PTPRS: variants seen among roughly 807,000 people sequenced by gnomAD.
PTPRS encodes the protein receptor-type tyrosine-protein phosphatase S.
A neutral mutation model predicts 215.3 loss-of-function variants in PTPRS; 63 were observed. The observed-to-expected ratio is 0.29, with a 90% CI of 0.24 to 0.36. The LOEUF (loss-of-function observed/expected upper bound fraction) is 0.36, where lower values mean the gene tolerates loss of function less well. Ranked by LOEUF, PTPRS falls within the 10% of genes least tolerant of loss-of-function variation. PTPRS has a pLI of 1.00. For missense variants in PTPRS, 2,258 were observed against 2,825.8 expected, an observed-to-expected ratio of 0.80 and a Z score of 4.56; for synonymous variants, 1,404 against 1,191.4, an observed-to-expected ratio of 1.18 and a Z score of -3.68.
chr19:5,213,235 C>A (rs996200873), intron 30 of PTPRS, among the ~76,000 whole-genome samples: 6 of 152,190 alleles, frequency 3.9e-5, no homozygotes, highest in African/African-American at 1.2e-4. Flanking sequence ...CCAGTCTGTC[C>A]TCCCTGCAGC....
chr19:5,219,230 T>C, intron 23 of PTPRS, 80 bp downstream of exon 23: 2 of 1,555,974 alleles, frequency 1.3e-6, no homozygotes, highest in Non-Finnish European at 1.8e-6. Context: ...TTAGTGATGA[T>C]TCTCTGAGAC....
intron 1 of PTPRS, among the ~76,000 whole-genome samples, chr19:5,340,338 G>A (rs1182873230): frequency 6.6e-6 from 1 of 151,190 alleles, no homozygotes; most frequent in Non-Finnish European, 1.5e-5. Context: ...CGGCGGCGCT[G>A]GGCAGCTTCC....
chr19:5,209,413 C>G (rs1176487995), intron 35 of PTPRS, among the ~76,000 whole-genome samples: 1 of 152,124 alleles, frequency 6.6e-6, no homozygotes. Flanking sequence ...TTGTTCTAAT[C>G]CCATCCTCCA....
At chr19:5,284,681 T>C (rs1337841862) in intron 2 of PTPRS, among the ~76,000 whole-genome samples, 1 of 152,112 alleles carries the variant, frequency 6.6e-6, no homozygotes, top group Non-Finnish European at 1.5e-5. Flanking sequence ...CGTGGCTGGC[T>C]CACACCTGTA....
intron 1 of PTPRS, among the ~76,000 whole-genome samples, chr19:5,313,051 A>G (rs985942767): frequency 6.6e-6 from 1 of 152,214 alleles, no homozygotes; most frequent in African/African-American, 2.4e-5. Flanking sequence ...AGTAGCTGGA[A>G]TAACAGGCGC....
chr19:5,225,213 G>C (rs572913342), intron 17 of PTPRS, among the ~76,000 whole-genome samples: 34 of 152,238 alleles, frequency 2.2e-4, no homozygotes, highest in Non-Finnish European at 4.4e-4. Flanking sequence ...GCTTCCTGGT[G>C]CAGTAGGGGA....
In PTPRS at chr19:5,206,079, A is replaced by AAAAAAAAC; in HGVS notation, c.*694_*695insGTTTTTTT. Among the ~76,000 whole-genome samples the AAAAAAAAC allele has an allele frequency of 1.3e-5, 2 of 148,236 alleles. No individual in the cohort carries two copies. Among genetic ancestry groups the AAAAAAAAC allele is most frequent in the African/African-American group, 2.5e-5 (1 of 39,734 alleles). On this transcript the variant is annotated 3_prime_UTR_variant, in exon 38 of 38. Transcript: ENST00000262963. Reference sequence around the variant, plus strand: ...AAAAATTAAAAAAAAAAAAAAAAAAAAAAAAGCCAAGGTACAGCCATGGGC... The same window carrying AAAAAAAAC: ...AAAAATTAAAAAAAAAAAAAAAAAAAAAAAAAACAAAAAGCCAAGGTACAGCCATGGGC...
chr19:5,208,777 G>A (rs1246939423), intron 35 of PTPRS, among the ~76,000 whole-genome samples: 1 of 152,068 alleles, frequency 6.6e-6, no homozygotes, highest in Non-Finnish European at 1.5e-5. Context: ...CCACCCAGCT[G>A]TTCCTCTCCC....
intron 2 of PTPRS, among the ~76,000 whole-genome samples, chr19:5,284,086 C>A (rs1483380661): frequency 6.6e-6 from 1 of 152,058 alleles, no homozygotes; most frequent in Non-Finnish European, 1.5e-5. Flanking sequence ...GCCAGCCGGG[C>A]TCAGTGGCTC....
rs145400118 is a variant in PTPRS, at chr19:5,328,210, G to A, written c.-95+12454C>T. Among the ~76,000 whole-genome samples the A allele has an allele frequency of 7.9e-3, 1,194 of 152,100 alleles. 12 individuals are homozygous for A. The highest frequency in any genetic ancestry group is 0.027 in the African/African-American group (1,134 of 41,470). On this transcript the variant is annotated intron_variant, in intron 1 of 37. Transcript: ENST00000262963. Reference sequence around the variant, plus strand: ...TGGCTCACTGCAACCTCTGCCTCCCGGGTTCAAGCGATTCTCCTGACTTAA... The same window carrying A: ...TGGCTCACTGCAACCTCTGCCTCCCAGGTTCAAGCGATTCTCCTGACTTAA...
rs1215949261 is a variant in PTPRS, at chr19:5,220,165, A to G, written c.3550-11T>C. 2 of 1,610,158 alleles carry G rather than the reference A, an allele frequency of 1.2e-6. No individual in the cohort carries two copies. Among genetic ancestry groups the G allele is most frequent in the Non-Finnish European group, 1.7e-6 (2 of 1,178,026 alleles). Reference sequence around the variant, plus strand: ...GATGTCCTGGATGAGCTGCGGGAACAGAGTCATGGGTGGCTCAGAGCTCAG... The same window carrying G: ...GATGTCCTGGATGAGCTGCGGGAACGGAGTCATGGGTGGCTCAGAGCTCAG... On this transcript the variant is annotated splice_polypyrimidine_tract_variant and intron_variant, in intron 21 of 37. Transcript: ENST00000262963.
rs143171404 is a variant in PTPRS at position 5,236,083 on chromosome 19, C to T, written c.1849+2836G>A. Among the ~76,000 whole-genome samples, 73 of 152,316 alleles carry T rather than the reference C, an allele frequency of 4.8e-4. 1 individual carries two copies. In the East Asian group the frequency reaches 0.011, roughly 24 times the overall value. ...CCTCAGGTGGTCAGAACTGTCACTC[C>T]CCACCCGCCACCCCGCGTCAACGGT... On this transcript the variant is annotated intron_variant, in intron 13 of 37. Coordinates refer to ENST00000262963, the MANE Select transcript of PTPRS (RefSeq NM_002850.4).
intron 6 of PTPRS, among the ~76,000 whole-genome samples, chr19:5,261,663 C>T (rs1333750517): frequency 1.3e-5 from 2 of 152,148 alleles, no homozygotes; most frequent in East Asian, 1.9e-4. Context: ...GCTCCTTCTG[C>T]GTGGCCCAAA....
chr19:5,222,816 C>T lies in PTPRS; in HGVS notation c.2976G>A (p.Glu992=), dbSNP rs765537568. ...TCAGGCCCTGCAGCGTGAGCGCGTT[C>T]TCCGCGCCCGGCTCAGCCGCTGCCG... ...ELPAAAEPGA[E]NALTLQGLKP... Residue 992 remains glutamate (E), a synonymous_variant, in exon 18 of 38, where the codon GAG becomes GAA. Coordinates refer to ENST00000262963, the MANE Select transcript of PTPRS (RefSeq NM_002850.4). 1.3e-6 allele frequency: 2 copies of T among 1,596,618 alleles called. No homozygotes were observed. The highest frequency in any genetic ancestry group is 2.2e-5 in the South Asian group (2 of 90,828).
At chr19:5,222,041 A>C in intron 19 of PTPRS, 82 bp downstream of exon 19, 1 of 1,168,544 alleles carries the variant, frequency 8.6e-7, no homozygotes, top group Non-Finnish European at 1.3e-6. Context: ...CTTCACACCA[A>C]CTCCAAACTG....
intron 1 of PTPRS, among the ~76,000 whole-genome samples, chr19:5,289,709 C>G (rs2048654340): frequency 1.3e-5 from 2 of 152,238 alleles, no homozygotes; most frequent in Non-Finnish European, 2.9e-5. Context: ...TTAATATTGG[C>G]TGAGGACCAA....
chr19:5,217,955 G>GAGGTACAGGGCA (rs2041634049), intron 25 of PTPRS, among the ~76,000 whole-genome samples: 1 of 152,150 alleles, frequency 6.6e-6, no homozygotes, highest in Non-Finnish European at 1.5e-5. Flanking sequence ...ATGGTGGGAA[G>GAGGTACAGGGCA]AGGTACAGGG....
rs1555746425 is a variant in PTPRS, at chr19:5,220,376, C to CTG, written c.3456-24_3456-23insCA. 5.6e-6 allele frequency: 9 copies of CTG among 1,594,956 alleles called. No individual in the cohort carries two copies. The African/African-American group carries it at 1.2e-4, about 21-fold the overall frequency. ...CTCCTGTAGGGAGATGGGAAAGAGT[C>CTG]AGAGGGGCTGTCGATAGGGATGACC... is the stretch of plus-strand genomic sequence containing the variant. On this transcript the variant is annotated intron_variant, in intron 20 of 37. Transcript: ENST00000262963.
rs2048451768 is a variant in PTPRS, at chr19:5,287,619, A to G, written c.-94-1385T>C. On this transcript the variant is annotated intron_variant, in intron 1 of 37. Transcript: ENST00000262963. The surrounding 1 kb of genome is among the most constrained non-coding windows in gnomAD (Gnocchi z 4.8). ...CCGTGACCACAGGAACTGGTGGCGC[A>G]TAATAACGGGGCAGCCCCTGTGATT... Among the ~76,000 whole-genome samples, 1 of 152,146 alleles carries G rather than the reference A, an allele frequency of 6.6e-6. No homozygotes were observed. The highest frequency in any genetic ancestry group is 2.1e-4 in the South Asian group (1 of 4,830).
Sources: gnomAD v4.1 joint callset for allele counts (sites outside exome capture counted in the v4.1 genomes callset) on GRCh38, gnomAD v4.1.1 for gene constraint, Gnocchi (gnomAD v3.1) non-coding constraint, MANE v1.5 for transcripts, NCBI Gene and HGNC (gene_info 2026-07-23, HGNC 2026-07-21) for gene names.